Variants in NKAIN3 observed in about 807,000 individuals in gnomAD.
NKAIN3 encodes the protein sodium/potassium transporting ATPase interacting 3, also known as sodium/potassium-transporting ATPase subunit beta-1-interacting protein 3.
Under a neutral mutation model 30.2 loss-of-function variants are expected in NKAIN3, and 25 were observed. The observed-to-expected ratio is 0.83, with a 90% confidence interval of 0.60 to 1.16. The LOEUF (loss-of-function observed/expected upper bound fraction) is 1.16, where lower values mean the gene tolerates loss of function less well. NKAIN3 is among the 50% of genes most tolerant of loss of function. The pLI is 0.00. For missense variants in NKAIN3, 225 were observed against 254.1 expected (o/e 0.89, Z 0.78); for synonymous variants, 91 against 89.6 (o/e 1.02, Z -0.09).
intron 4 of NKAIN3, among the ~76,000 whole-genome samples, chr8:62,770,925 A>G (rs1816988112): frequency 6.6e-6 from 1 of 152,172 alleles, no homozygotes; most frequent in Admixed American, 6.6e-5. Flanking sequence ...TGCAGAATCC[A>G]GAGTTGAGAT....
intron 1 of NKAIN3, among the ~76,000 whole-genome samples, chr8:62,534,931 T>C (rs1488376220): frequency 2.0e-5 from 3 of 151,898 alleles, no homozygotes; most frequent in Non-Finnish European, 4.4e-5. Context: ...AAAGTGTTCA[T>C]GAGCAGCTTC....
intron 1 of NKAIN3, among the ~76,000 whole-genome samples, chr8:62,336,778 T>C (rs533089447): frequency 6.6e-6 from 1 of 152,140 alleles, no homozygotes; most frequent in African/African-American, 2.4e-5. Flanking sequence ...TTCTGCTCCA[T>C]GTGATGCCAC....
intron 3 of NKAIN3, among the ~76,000 whole-genome samples, chr8:62,590,191 A>T (rs1810611421): frequency 6.6e-6 from 1 of 151,852 alleles, no homozygotes; most frequent in Admixed American, 6.6e-5. Flanking sequence ...TTAACGTAAC[A>T]GACATGAATG....
intron 2 of NKAIN3, 26 bp from the exon 3 acceptor site, chr8:62,589,688 T>C (rs913958551): frequency 1.7e-5 from 20 of 1,170,516 alleles, no homozygotes; most frequent in Non-Finnish European, 2.4e-5. Context: ...TTTTCTTCTC[T>C]TTCTCCCTCC....
intron 4 of NKAIN3, among the ~76,000 whole-genome samples, chr8:62,803,788 A>G (rs144659821): frequency 0.21 from 31,382 of 152,056 alleles, 3,850 homozygotes; most frequent in African/African-American, 0.33. Context: ...AGGAAATAGC[A>G]ACACAAAAAC....
At chr8:62,485,611 A>G (rs1806874407) in intron 1 of NKAIN3, among the ~76,000 whole-genome samples, 1 of 152,216 alleles carries the variant, frequency 6.6e-6, no homozygotes, top group East Asian at 1.9e-4. Flanking sequence ...AAAGAACACA[A>G]CTGAATGCAA....
rs941057495 is a variant in NKAIN3, at chr8:62,279,982, G to A, written c.54+30855G>A. On this transcript the variant is annotated intron_variant, in intron 1 of 6. Coordinates refer to ENST00000623646, the MANE Select transcript of NKAIN3 (RefSeq NM_001304533.3). ...CCTTGGGCAGTATGGCCATTTTCAC[G>A]ATATTTGTTCTTCCTATCCATGAGC... Among the ~76,000 whole-genome samples the A allele has an allele frequency of 5.3e-5, 8 of 152,106 alleles. 1 individual carries two copies. The highest frequency in any genetic ancestry group is 3.9e-4 in the East Asian group (2 of 5,188).
chr8:62,991,495 C>A (rs891008989), intron 5 of NKAIN3, among the ~76,000 whole-genome samples: 2 of 152,230 alleles, frequency 1.3e-5, no homozygotes, highest in Non-Finnish European at 2.9e-5. Context: ...GATATCAATG[C>A]AGAGCAAAGT....
intron 5 of NKAIN3, among the ~76,000 whole-genome samples, chr8:62,940,612 G>A (rs572381254): frequency 2.0e-4 from 30 of 152,078 alleles, no homozygotes; most frequent in African/African-American, 7.0e-4. Context: ...AATTGCAAAA[G>A]GAAACCTCAA....
intron 3 of NKAIN3, among the ~76,000 whole-genome samples, chr8:62,621,319 C>A (rs1464602774): frequency 6.6e-6 from 1 of 151,970 alleles, no homozygotes; most frequent in Non-Finnish European, 1.5e-5. Context: ...ATGACCTCTG[C>A]AGTTCTGTTT....
chr8:62,835,700 G>A (rs943474204), intron 4 of NKAIN3, among the ~76,000 whole-genome samples: 1 of 152,116 alleles, frequency 6.6e-6, no homozygotes, highest in South Asian at 2.1e-4. Flanking sequence ...ACAGATGCTG[G>A]TGAGGCTGTG....
At chr8:62,728,883 A>C (rs1274636241) in intron 3 of NKAIN3, among the ~76,000 whole-genome samples, 3 of 150,446 alleles carry the variant, frequency 2.0e-5, no homozygotes, top group Admixed American at 1.3e-4. Context: ...CCAGCTACTC[A>C]GGAGGCTGAG....
intron 1 of NKAIN3, among the ~76,000 whole-genome samples, chr8:62,263,539 G>A (rs1410203575): frequency 6.6e-6 from 1 of 152,128 alleles, no homozygotes; most frequent in Non-Finnish European, 1.5e-5. Context: ...AGTACTGCAG[G>A]CTGACCTCAT....
intron 4 of NKAIN3, among the ~76,000 whole-genome samples, chr8:62,887,558 A>G (rs2130821082): frequency 6.6e-6 from 1 of 152,086 alleles, no homozygotes; most frequent in East Asian, 1.9e-4. Context: ...TTGTTTTTTA[A>G]ATAACTGTTA....
chr8:62,451,587 A>G (rs577250977), intron 1 of NKAIN3, among the ~76,000 whole-genome samples: 2 of 152,310 alleles, frequency 1.3e-5, no homozygotes, highest in East Asian at 3.9e-4. Context: ...GCTAAAAACT[A>G]GCATTAAAAC....
rs1404311941 is a variant in NKAIN3, at chr8:62,966,910, T to C, written c.*1503T>C. 5.3e-5 allele frequency among the ~76,000 whole-genome samples: 8 copies of C among 152,170 alleles called. No individual in the cohort carries two copies. The highest frequency in any genetic ancestry group is 1.0e-4 in the Non-Finnish European group (7 of 68,026). On this transcript the variant is annotated 3_prime_UTR_variant, in exon 7 of 7. Transcript: ENST00000623646. ...TTCTTCTTGTTCTTCTTTCGGAGCC[T>C]ATAGGTTTCATGAGACTCTGTTAAG...
At chr8:62,297,234 G>C (rs1813859849) in intron 1 of NKAIN3, among the ~76,000 whole-genome samples, 1 of 152,112 alleles carries the variant, frequency 6.6e-6, no homozygotes, top group Admixed American at 6.5e-5. Flanking sequence ...AGAAAACCTA[G>C]GCATTACCAT....
chr8:62,337,956 G>T (rs927519352), intron 1 of NKAIN3, among the ~76,000 whole-genome samples: 6 of 151,942 alleles, frequency 3.9e-5, no homozygotes, highest in Non-Finnish European at 8.8e-5. Flanking sequence ...TTTACAGGAA[G>T]ATCTGGGAAT....
chr8:62,750,671 T>A (rs1457342642), intron 4 of NKAIN3, among the ~76,000 whole-genome samples: 1 of 152,180 alleles, frequency 6.6e-6, no homozygotes, highest in African/African-American at 2.4e-5. Flanking sequence ...GAGAAGGTTC[T>A]TGTTGTCCTA....
Sources: gnomAD v4.1 joint callset for allele counts (sites outside exome capture counted in the v4.1 genomes callset) on GRCh38, gnomAD v4.1.1 for gene constraint, MANE v1.5 for transcripts, NCBI Gene and HGNC (gene_info 2026-07-23, HGNC 2026-07-21) for gene names.